SUPV3L1: variants seen among roughly 807,000 people sequenced by gnomAD.
SUPV3L1 encodes Suv3 like RNA helicase.
SUPV3L1 carries 35 observed loss-of-function variants against 70.0 expected under a neutral mutation model. That is an observed-to-expected ratio of 0.50 (90% CI 0.38 to 0.66). The LOEUF (loss-of-function observed/expected upper bound fraction) is 0.66. Among genes scored for constraint, SUPV3L1 ranks in the 30% least tolerant of loss-of-function variants. The probability of loss-of-function intolerance (pLI) is 0.00; values close to 1 mark genes in which losing one functional copy is unlikely to be tolerated. For missense variants in SUPV3L1, 777 were observed against 961.5 expected (o/e 0.81, Z 2.54); for synonymous variants, 364 against 341.9 (o/e 1.06, Z -0.71).
At chr10:69,187,821 A>ATT in intron 4 of SUPV3L1, 65 bp downstream of exon 4, 1 of 1,022,008 alleles carries the variant, frequency 9.8e-7, no homozygotes, top group Non-Finnish European at 1.4e-6. Context: ...CGTGGTCATT[A>ATT]TTTTTTTTTA....
chr10:69,192,296 A>G (rs1027519751), intron 6 of SUPV3L1: 3 of 152,670 alleles, frequency 2.0e-5, no homozygotes, highest in Non-Finnish European at 4.4e-5. Context: ...GTTAATAAGC[A>G]TAATTGAAAT....
intron 13 of SUPV3L1, 53 bp from the exon 14 acceptor site, chr10:69,207,740 A>T (rs1842868035): frequency 1.3e-6 from 2 of 1,565,600 alleles, no homozygotes; most frequent in South Asian, 2.3e-5. Flanking sequence ...CTAATTATAG[A>T]CTTAAGGGAA....
intron 13 of SUPV3L1, among the ~76,000 whole-genome samples, chr10:69,203,435 G>C (rs1478107684): frequency 6.6e-6 from 1 of 151,990 alleles, no homozygotes; most frequent in African/African-American, 2.4e-5. Flanking sequence ...AGGCCGAGGC[G>C]GGTGGATCAC....
chr10:69,207,847 T>C lies in SUPV3L1; in HGVS notation c.1831T>C (p.Tyr611His). Residue 611 changes from tyrosine to histidine, a missense_variant, in exon 14 of 15, where the codon TAC (tyrosine) becomes CAC (histidine). Physicochemically the swap from Tyr to His is moderately conservative, Grantham distance 83. Coordinates refer to ENST00000359655, the MANE Select transcript of SUPV3L1 (RefSeq NM_003171.5). ...EPLTFAWLRRYIKWPLLPPKN... is the reference protein window; with the variant it reads ...EPLTFAWLRRHIKWPLLPPKN... ...CCTGACCTTTGCATGGTTACGCCGA[T>C]ACATCAAATGGCCTTTACTTCCACC... The C allele has an allele frequency of 6.2e-7, 1 of 1,614,174 alleles. No individual in the cohort carries two copies. Among genetic ancestry groups the C allele is most frequent in the Non-Finnish European group, 8.5e-7 (1 of 1,180,024 alleles).
intron 7 of SUPV3L1, among the ~76,000 whole-genome samples, chr10:69,196,668 A>C (rs533543121): frequency 6.6e-5 from 10 of 152,246 alleles, no homozygotes; most frequent in African/African-American, 1.9e-4. Flanking sequence ...CATGGAGCCT[A>C]ATTTGAAAAA....
intron 1 of SUPV3L1, chr10:69,182,753 A>T (rs1283539154): frequency 1.2e-6 from 1 of 862,788 alleles, no homozygotes; most frequent in Non-Finnish European, 1.4e-6. Flanking sequence ...ATGGTGCATT[A>T]CTACACTCTG....
At chr10:69,198,647 T>TA in intron 9 of SUPV3L1, 95 bp downstream of exon 9, 1 of 1,196,412 alleles carries the variant, frequency 8.4e-7, no homozygotes, top group Admixed American at 2.4e-5. Flanking sequence ...CAATATTGAA[T>TA]TAAGCTGCTT....
intron 7 of SUPV3L1, 56 bp downstream of exon 7, chr10:69,195,321 A>T: frequency 1.5e-6 from 2 of 1,359,120 alleles, no homozygotes; most frequent in Non-Finnish European, 2.0e-6. Context: ...GCTGAGATGC[A>T]TTTTTATCTG....
rs1054012662 is a variant in SUPV3L1, at chr10:69,208,767, G to T, written c.2093G>T (p.Arg698Leu). 6.2e-7 allele frequency: 1 copy of T among 1,614,166 alleles called. No individual in the cohort carries two copies. Among genetic ancestry groups the T allele is most frequent in the Non-Finnish European group, 8.5e-7 (1 of 1,180,036 alleles). ...GGCTTTCCATCAGGGAGCCAGTCAC[G>T]ATTGTCAGGAACCTTAAAGAGCCAA... The part of the protein sequence containing the change: ...LEGFPSGSQS[R>L]LSGTLKSQAR... The change falls in exon 15 of 15, where the codon CGA (arginine) becomes CTA (leucine). Residue 698 changes from arginine to leucine, a missense_variant. Around this residue, in one of 2 missense-constraint regions of SUPV3L1, gnomAD observed 619 missense variants for 823.3 expected, o/e 0.75. Transcript: ENST00000359655.
chr10:69,189,926 G>A (rs1434120262), intron 5 of SUPV3L1, among the ~76,000 whole-genome samples: 4 of 152,148 alleles, frequency 2.6e-5, no homozygotes, highest in Non-Finnish European at 5.9e-5. Flanking sequence ...GATTACAGGC[G>A]TGAGCCACCG....
intron 12 of SUPV3L1, 140 bp downstream of exon 12, chr10:69,202,659 T>C (rs1842715427): frequency 9.0e-7 from 1 of 1,115,914 alleles, no homozygotes; most frequent in Non-Finnish European, 1.3e-6. Flanking sequence ...GTGAAAATTT[T>C]TTCTCAAAAT....
In SUPV3L1 at chr10:69,208,940, A is replaced by G. The variant is rs150771853; in HGVS notation, c.2266A>G (p.Met756Val). The change falls in exon 15 of 15, where the codon ATG becomes GTG. Residue 756 changes from methionine (M) to valine (V), a missense_variant. This residue lies in a region of SUPV3L1 where 619 missense variants were observed against 823.3 expected (regional missense o/e 0.75). Coordinates refer to ENST00000359655, the MANE Select transcript of SUPV3L1 (RefSeq NM_003171.5). ...DMLKQLEKEWMTQQTEHNKEK... is the reference protein window; with the variant it reads ...DMLKQLEKEWVTQQTEHNKEK... ...GCTGAAACAGCTAGAAAAAGAGTGG[A>G]TGACACAACAAACTGAACACAACAA... is the stretch of plus-strand genomic sequence containing the variant. 1,381 of 1,614,168 alleles carry G rather than the reference A, an allele frequency of 8.6e-4. 7 individuals are homozygous for G. The highest frequency in any genetic ancestry group is 1.7e-3 in the South Asian group (155 of 91,090).
chr10:69,186,190 C>T, intron 2 of SUPV3L1, 126 bp downstream of exon 2: 1 of 901,840 alleles, frequency 1.1e-6, no homozygotes, highest in East Asian at 2.4e-5. Flanking sequence ...CTCTTTGCTT[C>T]TGGCTGAGTG....
chr10:69,195,784 C>G (rs958327682), intron 7 of SUPV3L1, among the ~76,000 whole-genome samples: 1 of 152,030 alleles, frequency 6.6e-6, no homozygotes, highest in African/African-American at 2.4e-5. Flanking sequence ...GCTCTGATGC[C>G]CAGGTTGGAG....
chr10:69,200,397 C>T lies in SUPV3L1; in HGVS notation c.1416C>T (p.Gly472=), dbSNP rs1366048923. 6.2e-7 allele frequency: 1 copy of T among 1,614,104 alleles called. No homozygotes were observed. ...CCCTGCAGATTGCTGGCAGAGCTGG[C>T]AGATTCAGCTCACGGTTTAAAGAAG... The part of the protein sequence containing the change: ...SQALQIAGRA[G]RFSSRFKEGE... Residue 472 remains glycine (G), a synonymous_variant, in exon 11 of 15, where the codon GGC becomes GGT. Transcript: ENST00000359655.
Position 69,209,088 on chromosome 10 carries a change from T to A in SUPV3L1, c.*53T>A, listed in dbSNP as rs1297774933. On this transcript the variant is annotated 3_prime_UTR_variant, in exon 15 of 15. Coordinates refer to ENST00000359655, the MANE Select transcript of SUPV3L1 (RefSeq NM_003171.5). ...TTTAATTTTGCAAATAAAAATTTATTTTGAATCCTTTTTCCTCATATGCAT... is the reference window on the plus strand; with the variant it reads ...TTTAATTTTGCAAATAAAAATTTATATTGAATCCTTTTTCCTCATATGCAT... 1 of 1,466,750 alleles carries A rather than the reference T, an allele frequency of 6.8e-7. No individual in the cohort carries two copies. The highest frequency in any genetic ancestry group is 9.0e-7 in the Non-Finnish European group (1 of 1,110,640). 90.9% of individuals were successfully genotyped at this position (1,466,750 alleles called of 1,614,324 possible). A position where few individuals can be genotyped will look rare whatever the true frequency, so the allele number is the denominator to read the frequency against.
intron 11 of SUPV3L1, among the ~76,000 whole-genome samples, chr10:69,201,860 T>TTC (rs1842690045): frequency 6.8e-6 from 1 of 147,852 alleles, no homozygotes; most frequent in Non-Finnish European, 1.5e-5. Flanking sequence ...TTTTTTTTTT[T>TTC]AGACGGAGTC....
chr10:69,208,551 T>C, intron 14 of SUPV3L1, 49 bp from the exon 15 acceptor site: 1 of 1,557,390 alleles, frequency 6.4e-7, no homozygotes, highest in Non-Finnish European at 8.7e-7. Flanking sequence ...AGTTGTCCAG[T>C]GACTGCGATA....
chr10:69,195,097 G>A (rs1842506715), intron 6 of SUPV3L1, 91 bp from the exon 7 acceptor site: 8 of 957,630 alleles, frequency 8.4e-6, no homozygotes, highest in Non-Finnish European at 1.2e-5. Context: ...GGTGGTAGTG[G>A]TGATGGTGAT....
Sources: gnomAD v4.1 joint callset for allele counts (sites outside exome capture counted in the v4.1 genomes callset) on GRCh38, gnomAD v4.1.1 for gene constraint, gnomAD v4.1.1 regional missense constraint, MANE v1.5 for transcripts, NCBI Gene and HGNC (gene_info 2026-07-23, HGNC 2026-07-21) for gene names.